AGBL4: variants seen among roughly 807,000 people sequenced by gnomAD.
AGBL4 encodes the protein cytosolic carboxypeptidase 6.
AGBL4 carries 58 observed loss-of-function variants against 66.4 expected under a neutral mutation model. The observed-to-expected ratio is 0.87, with a 90% CI of 0.71 to 1.09. The LOEUF (loss-of-function observed/expected upper bound fraction) is 1.09. Ranked by LOEUF, AGBL4 falls within the 50% of genes least tolerant of loss-of-function variation. The pLI, the probability that AGBL4 is intolerant of heterozygous loss-of-function variation, is 0.00. For missense variants in AGBL4, 579 were observed against 631.0 expected, an observed-to-expected ratio of 0.92 and a Z score of 0.88; for synonymous variants, 234 against 222.9, an observed-to-expected ratio of 1.05 and a Z score of -0.44.
intron 3 of AGBL4, among the ~76,000 whole-genome samples, chr1:49,550,949 G>C (rs563815034): frequency 3.3e-5 from 5 of 152,006 alleles, no homozygotes; most frequent in Non-Finnish European, 7.4e-5. Context: ...CTTAGGTTTG[G>C]TCATTTAACA....
At chr1:49,240,914 G>A (rs181162240) in intron 4 of AGBL4, among the ~76,000 whole-genome samples, 1 of 151,740 alleles carries the variant, frequency 6.6e-6, no homozygotes, top group Admixed American at 6.6e-5. Context: ...TCCTCCTATG[G>A]TCCCTATCTT....
intron 3 of AGBL4, among the ~76,000 whole-genome samples, chr1:49,439,155 T>C (rs1461467352): frequency 6.6e-6 from 1 of 152,214 alleles, no homozygotes; most frequent in Non-Finnish European, 1.5e-5. Context: ...TACAAGTCTA[T>C]GCTTGATAGA....
chr1:48,685,586 C>T (rs1198398418), intron 6 of AGBL4, among the ~76,000 whole-genome samples: 1 of 152,084 alleles, frequency 6.6e-6, no homozygotes, highest in African/African-American at 2.4e-5. Context: ...GCTGTGCAGC[C>T]TTTGAAAAAT....
At chr1:49,644,170 A>G (rs904661426) in intron 3 of AGBL4, among the ~76,000 whole-genome samples, 11 of 151,684 alleles carry the variant, frequency 7.3e-5, no homozygotes, top group African/African-American at 2.7e-4. Context: ...TATACTATAA[A>G]TCCTAAAGCA....
chr1:49,257,787 A>G (rs577144344), intron 3 of AGBL4, among the ~76,000 whole-genome samples: 13 of 152,280 alleles, frequency 8.5e-5, no homozygotes, highest in African/African-American at 3.1e-4. Flanking sequence ...TGTAGACCAG[A>G]GCTGTTCCTA....
chr1:49,139,146 T>A (rs1002641776), intron 4 of AGBL4, among the ~76,000 whole-genome samples: 2 of 152,026 alleles, frequency 1.3e-5, no homozygotes, highest in African/African-American at 4.8e-5. Flanking sequence ...ACCAGGCCAC[T>A]CCTCCAACAC....
intron 5 of AGBL4, among the ~76,000 whole-genome samples, chr1:48,928,289 G>A (rs892597273): frequency 6.6e-6 from 1 of 152,130 alleles, no homozygotes; most frequent in African/African-American, 2.4e-5. Context: ...CGCACTTACA[G>A]GGGTTTGAAC....
intron 6 of AGBL4, among the ~76,000 whole-genome samples, chr1:48,782,085 T>C (rs1047435685): frequency 3.3e-5 from 5 of 152,236 alleles, no homozygotes; most frequent in African/African-American, 9.6e-5. Context: ...CTTGTGGTTA[T>C]ATTTCAATTT....
At chr1:49,133,333 A>G (rs568752156) in intron 4 of AGBL4, among the ~76,000 whole-genome samples, 3 of 152,282 alleles carry the variant, frequency 2.0e-5, no homozygotes, top group Middle Eastern at 3.4e-3. Context: ...GCAAACCACC[A>G]TGGCACATGT....
At chr1:49,544,073 C>G (rs1196222592) in intron 3 of AGBL4, among the ~76,000 whole-genome samples, 1 of 152,184 alleles carries the variant, frequency 6.6e-6, no homozygotes, top group Non-Finnish European at 1.5e-5. Context: ...TTCTCCATCT[C>G]TACATACAAT....
intron 6 of AGBL4, among the ~76,000 whole-genome samples, chr1:48,779,817 G>A (rs999223435): frequency 4.0e-5 from 6 of 150,952 alleles, no homozygotes; most frequent in East Asian, 2.0e-4. Context: ...AGGTTCAAGC[G>A]ATTCTCCTGC....
chr1:48,646,815 C>T (rs1051927131), intron 8 of AGBL4, among the ~76,000 whole-genome samples: 9 of 152,144 alleles, frequency 5.9e-5, no homozygotes, highest in African/African-American at 2.2e-4. Flanking sequence ...ACCTCCCCCT[C>T]TACTTAAAGT....
At chr1:49,184,436 A>C (rs1308399110) in intron 4 of AGBL4, among the ~76,000 whole-genome samples, 1 of 152,190 alleles carries the variant, frequency 6.6e-6, no homozygotes, top group Non-Finnish European at 1.5e-5. Flanking sequence ...CCCTCAGCAC[A>C]CTGAATGTAC....
chr1:49,828,607 G>GTCAC (rs1645571993), intron 2 of AGBL4, among the ~76,000 whole-genome samples: 1 of 152,188 alleles, frequency 6.6e-6, no homozygotes, highest in African/African-American at 2.4e-5. Flanking sequence ...AGACCAAGTA[G>GTCAC]TCACTGATCA....
intron 5 of AGBL4, among the ~76,000 whole-genome samples, chr1:49,044,258 G>A (rs894454440): frequency 6.6e-6 from 1 of 152,140 alleles, no homozygotes; most frequent in African/African-American, 2.4e-5. Context: ...AGCACTTTGG[G>A]AGGCCGAGGC....
rs996736264 is a variant in AGBL4, at chr1:48,821,049, T to C, written c.634+46142A>G. Among the ~76,000 whole-genome samples the C allele has an allele frequency of 2.3e-4, 35 of 152,080 alleles. 1 individual carries two copies. Among genetic ancestry groups the C allele is most frequent in the African/African-American group, 8.2e-4 (34 of 41,416 alleles). On this transcript the variant is annotated intron_variant, in intron 6 of 13. Coordinates refer to ENST00000371839, the MANE Select transcript of AGBL4 (RefSeq NM_032785.4). ...AGAGAAATGCAAATTAAAACCACATTGAGATATCATCTTACACCAGTAAGA... is the reference window on the plus strand; with the variant it reads ...AGAGAAATGCAAATTAAAACCACATCGAGATATCATCTTACACCAGTAAGA...
intron 1 of AGBL4, among the ~76,000 whole-genome samples, chr1:49,878,010 C>T (rs1354597804): frequency 1.3e-5 from 2 of 152,008 alleles, no homozygotes; most frequent in Non-Finnish European, 2.9e-5. Flanking sequence ...GTGATATCCC[C>T]TTTATCATTT....
chr1:48,653,677 T>C (rs72901141), intron 7 of AGBL4, among the ~76,000 whole-genome samples: 1,932 of 152,232 alleles, frequency 0.013, 17 homozygotes, highest in African/African-American at 0.022. Flanking sequence ...TTGAAGCCCA[T>C]GGGCAGGAGG....
At chr1:49,412,384 G>A (rs762445414) in intron 3 of AGBL4, among the ~76,000 whole-genome samples, 18 of 151,924 alleles carry the variant, frequency 1.2e-4, no homozygotes, top group Non-Finnish European at 2.1e-4. Context: ...CCCATTAATG[G>A]GATTAGTGAG....
Sources: gnomAD v4.1 joint callset for allele counts (sites outside exome capture counted in the v4.1 genomes callset) on GRCh38, gnomAD v4.1.1 for gene constraint, MANE v1.5 for transcripts, NCBI Gene and HGNC (gene_info 2026-07-23, HGNC 2026-07-21) for gene names.